LRFN5: variants seen among roughly 807,000 people sequenced by gnomAD.
The protein encoded by LRFN5 is leucine rich repeat and fibronectin type III domain containing 5.
In LRFN5, 24 loss-of-function variants were observed where a neutral mutation model predicts 45.6. The ratio of observed to expected loss-of-function variants is 0.53; its 90% CI spans 0.38 to 0.74. The LOEUF (loss-of-function observed/expected upper bound fraction) is 0.74, where lower values mean the gene tolerates loss of function less well. Among genes scored for constraint, LRFN5 ranks in the 30% least tolerant of loss-of-function variants. The probability of loss-of-function intolerance (pLI) is 0.00; values close to 1 mark genes in which losing one functional copy is unlikely to be tolerated. For synonymous variants in LRFN5, 340 were observed against 313.8 expected, an observed-to-expected ratio of 1.08 and a Z score of -0.88; for missense variants, 776 against 861.5, an observed-to-expected ratio of 0.90 and a Z score of 1.24.
chr14:41,789,791 T>G (rs1207398288), intron 2 of LRFN5, among the ~76,000 whole-genome samples: 1 of 152,020 alleles, frequency 6.6e-6, no homozygotes, highest in Non-Finnish European at 1.5e-5. Context: ...TTTTATAATG[T>G]TTAACTAGCT....
chr14:41,792,472 T>C (rs1413697314), intron 2 of LRFN5, among the ~76,000 whole-genome samples: 1 of 151,914 alleles, frequency 6.6e-6, no homozygotes, highest in Admixed American at 6.6e-5. Flanking sequence ...TCAGTCCTTA[T>C]CTCAACCACA....
intron 2 of LRFN5, among the ~76,000 whole-genome samples, chr14:41,826,937 T>A (rs1003497161): frequency 9.8e-5 from 15 of 152,328 alleles, no homozygotes; most frequent in South Asian, 4.1e-4. Flanking sequence ...AAGTAATTAT[T>A]TTGATTCACA....
intron 2 of LRFN5, among the ~76,000 whole-genome samples, chr14:41,811,613 T>C (rs1314876768): frequency 6.6e-6 from 1 of 152,078 alleles, no homozygotes; most frequent in African/African-American, 2.4e-5. Context: ...TAATGATATG[T>C]ACTACAAAGT....
At chr14:41,675,601 G>C (rs1452173737) in intron 1 of LRFN5, among the ~76,000 whole-genome samples, 1 of 152,000 alleles carries the variant, frequency 6.6e-6, no homozygotes, top group Non-Finnish European at 1.5e-5. Flanking sequence ...TGGAAAGAGG[G>C]GACAGGGAGA....
At chr14:41,813,482 A>G (rs775541005) in intron 2 of LRFN5, among the ~76,000 whole-genome samples, 1 of 152,134 alleles carries the variant, frequency 6.6e-6, no homozygotes, top group Non-Finnish European at 1.5e-5. Context: ...GCTGAGAACA[A>G]TGGTTTCCAG....
intron 2 of LRFN5, among the ~76,000 whole-genome samples, chr14:41,786,921 T>C (rs1392160560): frequency 1.3e-5 from 2 of 152,102 alleles, no homozygotes; most frequent in Non-Finnish European, 2.9e-5. Context: ...CTGCTATGAA[T>C]ACCATCTTGT....
intron 1 of LRFN5, among the ~76,000 whole-genome samples, chr14:41,666,963 G>A (rs898895961): frequency 3.9e-5 from 6 of 151,994 alleles, no homozygotes; most frequent in African/African-American, 1.4e-4. Context: ...ATTATACAAC[G>A]TTATAGAGTT....
chr14:41,663,235 G>A (rs1417775234), intron 1 of LRFN5, among the ~76,000 whole-genome samples: 1 of 152,084 alleles, frequency 6.6e-6, no homozygotes, highest in African/African-American at 2.4e-5. Context: ...TTTGATGATT[G>A]ACCCAAATAG....
At chr14:41,649,449 A>AATAAAATGGTAAT (rs1256921640) in intron 1 of LRFN5, among the ~76,000 whole-genome samples, 2 of 152,214 alleles carry the variant, frequency 1.3e-5, no homozygotes, top group African/African-American at 4.8e-5. Context: ...AAGATACTAT[A>AATAAAATGGTAAT]ATAAAATGGT....
intron 2 of LRFN5, among the ~76,000 whole-genome samples, chr14:41,832,625 A>G (rs1389698298): frequency 6.6e-6 from 1 of 152,138 alleles, no homozygotes; most frequent in Non-Finnish European, 1.5e-5. Flanking sequence ...ACTTAATGCT[A>G]GTTGTGGTGC....
Position 41,891,967 on chromosome 14 carries a change from G to A in LRFN5, c.2098+5G>A, listed in dbSNP as rs368489639. On this transcript the variant is annotated splice_donor_5th_base_variant and intron_variant, in intron 4 of 5. Coordinates refer to ENST00000298119, the MANE Select transcript of LRFN5 (RefSeq NM_152447.5). ...AAAGAGCACATATAAAGCCAAGTAA[G>A]TTTATCACTTTGCCTGCTGAGAGAT... 1 of 1,608,904 alleles carries A rather than the reference G, an allele frequency of 6.2e-7. No homozygotes were observed. The highest frequency in any genetic ancestry group is 8.5e-7 in the Non-Finnish European group (1 of 1,178,860).
chr14:41,781,709 A>G (rs2138920319), intron 2 of LRFN5, among the ~76,000 whole-genome samples: 1 of 150,414 alleles, frequency 6.6e-6, no homozygotes, highest in South Asian at 2.1e-4. Flanking sequence ...AGAAAGAAAA[A>G]GAGAGAGAGG....
intron 1 of LRFN5, among the ~76,000 whole-genome samples, chr14:41,614,291 A>G (rs952874329): frequency 2.0e-5 from 3 of 152,112 alleles, no homozygotes; most frequent in Admixed American, 6.6e-5. Flanking sequence ...ATATCTTGAC[A>G]TCATTAATAT....
rs939406471 is a variant in LRFN5, at chr14:41,894,844, T to C, written c.2098+2882T>C. ...ATATTACCATAAGCAACAAATTCTC[T>C]GTCCTTTTCTTGTTTTGCTTTCTGT... On this transcript the variant is annotated intron_variant, in intron 4 of 5. Coordinates refer to ENST00000298119, the MANE Select transcript of LRFN5 (RefSeq NM_152447.5). The C allele has an allele frequency of 4.4e-5, 43 of 981,166 alleles. No individual in the cohort carries two copies. The African/African-American group carries it at 7.2e-4, about 16-fold the overall frequency. 60.8% of individuals were successfully genotyped at this position (981,166 alleles called of 1,614,324 possible).
chr14:41,707,214 T>C (rs1342879721), intron 1 of LRFN5, among the ~76,000 whole-genome samples: 1 of 152,214 alleles, frequency 6.6e-6, no homozygotes, highest in Non-Finnish European at 1.5e-5. Context: ...GGCAAGAATA[T>C]ACATTAGGAG....
intron 1 of LRFN5, among the ~76,000 whole-genome samples, chr14:41,659,873 C>A (rs1306596248): frequency 1.3e-5 from 2 of 148,932 alleles, no homozygotes; most frequent in Non-Finnish European, 3.0e-5. Context: ...CTGTTCATGT[C>A]CTTCACCCAC....
chr14:41,751,296 C>T (rs1000423460), intron 1 of LRFN5, among the ~76,000 whole-genome samples: 10 of 151,906 alleles, frequency 6.6e-5, no homozygotes, highest in African/African-American at 2.4e-4. Context: ...GTGTTAATAG[C>T]ACTATGGTAA....
At chr14:41,742,407 T>A (rs1242072837) in intron 1 of LRFN5, among the ~76,000 whole-genome samples, 1 of 149,414 alleles carries the variant, frequency 6.7e-6, no homozygotes, top group Non-Finnish European at 1.5e-5. Context: ...TGGCTGGAAC[T>A]GGAGGAATTT....
chr14:41,796,831 A>G (rs1368491048), intron 2 of LRFN5, among the ~76,000 whole-genome samples: 3 of 151,976 alleles, frequency 2.0e-5, no homozygotes, highest in East Asian at 3.9e-4. Context: ...ATATTTTTTC[A>G]ACTAGCTGTC....
Sources: gnomAD v4.1 joint callset for allele counts (sites outside exome capture counted in the v4.1 genomes callset) on GRCh38, gnomAD v4.1.1 for gene constraint, MANE v1.5 for transcripts, NCBI Gene and HGNC (gene_info 2026-07-23, HGNC 2026-07-21) for gene names.